Variants in ZNF407 observed in about 807,000 individuals in gnomAD.
ZNF407 encodes zinc finger protein 407.
Under a neutral mutation model 131.2 loss-of-function variants are expected in ZNF407, and 17 were observed. That is an observed-to-expected ratio of 0.13 (90% CI 0.09 to 0.19). The LOEUF (loss-of-function observed/expected upper bound fraction) is 0.19. Ranked by LOEUF, ZNF407 falls within the 10% of genes least tolerant of loss-of-function variation. ZNF407 has a pLI of 1.00. For synonymous variants in ZNF407, 1,156 were observed against 1,062.0 expected (o/e 1.09, Z -1.72); for missense variants, 2,681 against 2,830.6 (o/e 0.95, Z 1.20).
intron 8 of ZNF407, among the ~76,000 whole-genome samples, chr18:74,924,014 G>A (rs1971880749): frequency 6.6e-6 from 1 of 152,314 alleles, no homozygotes; most frequent in African/African-American, 2.4e-5. Flanking sequence ...ATAAGTCAGT[G>A]AGAATGAATG....
At chr18:74,768,781 G>T (rs186953248) in intron 3 of ZNF407, among the ~76,000 whole-genome samples, 2 of 152,098 alleles carry the variant, frequency 1.3e-5, no homozygotes, top group East Asian at 1.9e-4. Flanking sequence ...TCAATAATCC[G>T]CATTAAACAT....
At chr18:74,782,585 C>G (rs1348041016) in intron 4 of ZNF407, among the ~76,000 whole-genome samples, 1 of 151,506 alleles carries the variant, frequency 6.6e-6, no homozygotes, top group Non-Finnish European at 1.5e-5. Flanking sequence ...CTTCTCTCTT[C>G]TTTCTTCCTG....
intron 8 of ZNF407, among the ~76,000 whole-genome samples, chr18:74,961,129 T>G (rs115080229): frequency 0.01 from 1,590 of 152,182 alleles, 29 homozygotes; most frequent in African/African-American, 0.036. Context: ...TTTCCCATTT[T>G]ACATCTTCTC....
At chr18:74,681,774 C>T (rs1478252438) in intron 3 of ZNF407, among the ~76,000 whole-genome samples, 3 of 152,114 alleles carry the variant, frequency 2.0e-5, no homozygotes, top group Non-Finnish European at 4.4e-5. Flanking sequence ...ATATTGCTAC[C>T]ATATACATGG....
intron 3 of ZNF407, among the ~76,000 whole-genome samples, chr18:74,701,427 C>T (rs930488541): frequency 5.9e-5 from 9 of 152,204 alleles, no homozygotes; most frequent in South Asian, 4.1e-4. Context: ...GTAATATTTC[C>T]GACTACCTAT....
At chr18:74,721,140 ATTTG>A (rs923903713) in intron 3 of ZNF407, among the ~76,000 whole-genome samples, 1 of 151,918 alleles carries the variant, frequency 6.6e-6, no homozygotes, top group Non-Finnish European at 1.5e-5. Flanking sequence ...ATGTCTTTCC[ATTTG>A]TTTGTATCCT....
chr18:74,778,763 G>A lies in ZNF407; in HGVS notation c.4803-2665G>A, dbSNP rs947626648. ...GGAAGGCATGACTTGAACGGTCTGTGTTTTCGTCATAGGTGCAGGACCCCC... is the reference window on the plus strand; with the variant it reads ...GGAAGGCATGACTTGAACGGTCTGTATTTTCGTCATAGGTGCAGGACCCCC... On this transcript the variant is annotated intron_variant, in intron 3 of 8. Coordinates refer to ENST00000299687, the MANE Select transcript of ZNF407 (RefSeq NM_017757.3). Among the ~76,000 whole-genome samples the A allele has an allele frequency of 1.6e-4, 25 of 152,038 alleles. 1 individual carries two copies.
chr18:74,930,935 C>T (rs201670459), intron 8 of ZNF407, among the ~76,000 whole-genome samples: 4 of 152,318 alleles, frequency 2.6e-5, no homozygotes, highest in South Asian at 4.1e-4. Context: ...TGTGTGGACT[C>T]ATTGCTTCTG....
At chr18:74,648,241 T>C (rs753872845) in intron 3 of ZNF407, among the ~76,000 whole-genome samples, 4 of 152,096 alleles carry the variant, frequency 2.6e-5, no homozygotes, top group Non-Finnish European at 5.9e-5. Flanking sequence ...TTAGGCAGAT[T>C]AGCAGGGGCA....
rs183419041 is a variant in ZNF407, at chr18:74,822,692, G to C, written c.4877+41190G>C. Among the ~76,000 whole-genome samples, 6 of 152,282 alleles carry C rather than the reference G, an allele frequency of 3.9e-5. No homozygotes were observed. The East Asian group carries it at 1.2e-3, about 29-fold the overall frequency. On this transcript the variant is annotated intron_variant, in intron 4 of 8. Coordinates refer to ENST00000299687, the MANE Select transcript of ZNF407 (RefSeq NM_017757.3). ...GCCTTGTAGTATAATTTGAAGTCAG[G>C]TAGCATGATGCCTTCAGCTTTGTTA... is the stretch of plus-strand genomic sequence containing the variant.
At chr18:75,057,313 G>A (rs945005586) in intron 8 of ZNF407, among the ~76,000 whole-genome samples, 20 of 152,130 alleles carry the variant, frequency 1.3e-4, no homozygotes, top group Admixed American at 2.0e-4. Context: ...CTCACCCCAC[G>A]ACACGTCTTT....
intron 4 of ZNF407, among the ~76,000 whole-genome samples, chr18:74,847,049 C>CA (rs1350789872): frequency 6.6e-6 from 1 of 151,988 alleles, no homozygotes; most frequent in African/African-American, 2.4e-5. Context: ...GCTATTTGCT[C>CA]AAAATGATTC....
intron 4 of ZNF407, among the ~76,000 whole-genome samples, chr18:74,806,913 A>G (rs1056918799): frequency 6.6e-6 from 1 of 152,226 alleles, no homozygotes; most frequent in Non-Finnish European, 1.5e-5. Context: ...AAATTTTCTC[A>G]GGCATGGCAT....
chr18:74,735,899 A>T (rs1030138368), intron 3 of ZNF407, among the ~76,000 whole-genome samples: 1 of 152,344 alleles, frequency 6.6e-6, no homozygotes, highest in Non-Finnish European at 1.5e-5. Context: ...CTTAGTTGAC[A>T]TTAGCTGAAA....
At position 74,915,720 on chromosome 18, in the gene ZNF407, T is replaced by TGTGTGC. The variant is rs1413858651; in HGVS notation, c.5250-4793_5250-4792insTGTGCG. The stretch of plus-strand genomic sequence containing the variant: ...GTGTGTGTGTGTGTGTGTGTGTGTG[T>TGTGTGC]GCTGGTATGGTGAGGTTGTATGCAG... On this transcript the variant is annotated intron_variant, in intron 7 of 8. Transcript: ENST00000299687. Among the ~76,000 whole-genome samples the TGTGTGC allele has an allele frequency of 2.5e-3, 214 of 84,830 alleles. 48 individuals carry two copies. The highest frequency in any genetic ancestry group is 4.8e-3 in the Non-Finnish European group (190 of 39,206). 55.7% of individuals were successfully genotyped at this position (84,830 alleles called of 152,430 possible).
At chr18:75,003,251 A>G (rs1037816752) in intron 8 of ZNF407, among the ~76,000 whole-genome samples, 4 of 152,222 alleles carry the variant, frequency 2.6e-5, no homozygotes, top group African/African-American at 7.2e-5. Flanking sequence ...CTGAGTTACA[A>G]TGTCCCTTCC....
intron 1 of ZNF407, among the ~76,000 whole-genome samples, chr18:74,607,776 G>A (rs974905359): frequency 1.3e-5 from 2 of 152,156 alleles, no homozygotes; most frequent in Non-Finnish European, 2.9e-5. Flanking sequence ...ACACTTACAT[G>A]CACATAGTAG....
chr18:75,043,364 T>A (rs1454293231), intron 8 of ZNF407, among the ~76,000 whole-genome samples: 1 of 152,250 alleles, frequency 6.6e-6, no homozygotes, highest in Non-Finnish European at 1.5e-5. Flanking sequence ...TCCTATGCTC[T>A]GGACCTGCAC....
intron 3 of ZNF407, among the ~76,000 whole-genome samples, chr18:74,751,965 T>C (rs1968814719): frequency 6.6e-6 from 1 of 152,192 alleles, no homozygotes; most frequent in South Asian, 2.1e-4. Context: ...CCACAATGGT[T>C]GAAGTAGTTT....
Sources: gnomAD v4.1 joint callset for allele counts (sites outside exome capture counted in the v4.1 genomes callset) on GRCh38, gnomAD v4.1.1 for gene constraint, MANE v1.5 for transcripts, NCBI Gene and HGNC (gene_info 2026-07-23, HGNC 2026-07-21) for gene names.